Variants in TNRC6B observed in about 807,000 individuals in gnomAD.
TNRC6B encodes trinucleotide repeat containing adaptor 6B.
In TNRC6B, 52 loss-of-function variants were observed where a neutral mutation model predicts 203.6. That is an observed-to-expected ratio of 0.26 (90% CI 0.20 to 0.32). The LOEUF is 0.32. Among genes scored for constraint, TNRC6B ranks in the 10% least tolerant of loss-of-function variants. The pLI is 1.00. For missense variants in TNRC6B, 1,923 were observed against 2,286.2 expected (o/e 0.84, Z 3.24); for synonymous variants, 838 against 845.7 (o/e 0.99, Z 0.16).
intron 3 of TNRC6B, among the ~76,000 whole-genome samples, chr22:40,128,557 C>CGGCTCAT (rs2068514204): frequency 6.6e-6 from 1 of 151,236 alleles, no homozygotes; most frequent in African/African-American, 2.4e-5. Flanking sequence ...TCACGGCTCA[C>CGGCTCAT]GGCTCACGGC....
At chr22:40,233,707 TG>T (rs2069910512) in intron 1 of TNRC6B, among the ~76,000 whole-genome samples, 3 of 152,180 alleles carry the variant, frequency 2.0e-5, no homozygotes, top group Admixed American at 2.0e-4. Flanking sequence ...ATACGTAAAC[TG>T]GGAAATTCAT....
chr22:40,143,424 C>T (rs1044883763), intron 3 of TNRC6B, among the ~76,000 whole-genome samples: 1 of 151,982 alleles, frequency 6.6e-6, no homozygotes, highest in Non-Finnish European at 1.5e-5. Context: ...CAGAACAAGA[C>T]CTTGACTCTA....
At chr22:40,080,175 G>A (rs1014092622) in intron 1 of TNRC6B, among the ~76,000 whole-genome samples, 2 of 135,708 alleles carry the variant, frequency 1.5e-5, no homozygotes, top group Non-Finnish European at 3.1e-5. Flanking sequence ...ACTCTTGGCC[G>A]TAAGTGATCC....
At position 40,270,171 on chromosome 22, in the gene TNRC6B, G is replaced by T; in HGVS notation, c.2856G>T (p.Trp952Cys). 2 of 1,582,908 alleles carry T rather than the reference G, an allele frequency of 1.3e-6. No individual in the cohort carries two copies. Among genetic ancestry groups the T allele is most frequent in the Non-Finnish European group, 1.7e-6 (2 of 1,163,756 alleles). The change falls in exon 6 of 23, where the codon TGG becomes TGT. Residue 952 changes from tryptophan (W) to cysteine (C), a missense_variant. Around this residue, in one of 8 missense-constraint regions of TNRC6B, gnomAD observed 599 missense variants for 656.5 expected, o/e 0.91. Coordinates refer to ENST00000454349, the MANE Select transcript of TNRC6B (RefSeq NM_001162501.2). ...CTCCAGATAATGGTACTTCCGCTTG[G>T]GGTGAGCCAAATGAAAGCAGTCCTG... ...PPAPDNGTSA[W>C]GEPNESSPGW...
intron 1 of TNRC6B, among the ~76,000 whole-genome samples, chr22:40,228,034 C>T (rs569145370): frequency 3.9e-5 from 6 of 152,302 alleles, no homozygotes; most frequent in African/African-American, 1.4e-4. Flanking sequence ...TTAGTTTCTT[C>T]GCTGTCAAGT....
chr22:40,176,465 A>C (rs1489917891), upstream of TNRC6B, among the ~76,000 whole-genome samples: 5 of 152,026 alleles, frequency 3.3e-5, no homozygotes. Flanking sequence ...TTCTTTCCTG[A>C]AGCCGTCCTT....
Position 40,335,090 on chromosome 22 carries a change from G to C in TNRC6B, c.*11849G>C, listed in dbSNP as rs2044018797. ...TTTGGTGGCTTTCTTTTCTCTCTTT[G>C]ATGGGCAATAGAGGAAGTAGATAAT... On this transcript the variant is annotated 3_prime_UTR_variant, in exon 23 of 23. Transcript: ENST00000454349. 6.8e-6 allele frequency: 1 copy of C among 146,466 alleles called. No homozygotes were observed. Among genetic ancestry groups the C allele is most frequent in the Non-Finnish European group, 1.5e-5 (1 of 66,848 alleles). The allele number at this position is 146,466 out of a possible 1,614,324, so 9.1% of individuals were successfully genotyped here. A position where few individuals can be genotyped will look rare whatever the true frequency, so the allele number is the denominator to read the frequency against.
At chr22:40,083,438 G>A (rs2068076790) in intron 1 of TNRC6B, among the ~76,000 whole-genome samples, 1 of 152,230 alleles carries the variant, frequency 6.6e-6, no homozygotes, top group Non-Finnish European at 1.5e-5. Context: ...TTTTAACAGA[G>A]CTTGCGTAGG....
At chr22:40,298,710 TA>T (rs982627778) in intron 12 of TNRC6B, among the ~76,000 whole-genome samples, 18 of 151,122 alleles carry the variant, frequency 1.2e-4, no homozygotes, top group African/African-American at 4.4e-4. Context: ...CTCACGCCTG[TA>T]ATCTCAGCAC....
At chr22:40,073,289 T>G (rs2067971068) in intron 1 of TNRC6B, among the ~76,000 whole-genome samples, 1 of 152,040 alleles carries the variant, frequency 6.6e-6, no homozygotes, top group Non-Finnish European at 1.5e-5. Flanking sequence ...ATAGAACACG[T>G]TTTTTGTTAA....
rs2071382774 is a variant in TNRC6B at position 40,324,816 on chromosome 22, TC to T, written c.*1581del. ...CACCTTTTTTTGATTTTTGACCTCTTCCCCCCACCTTGTAATTTTGCTTTTT... is the reference window on the plus strand; with the variant it reads ...CACCTTTTTTTGATTTTTGACCTCTTCCCCCACCTTGTAATTTTGCTTTTT... On this transcript the variant is annotated 3_prime_UTR_variant, in exon 23 of 23. Transcript: ENST00000454349. 2 of 152,528 alleles carry T rather than the reference TC, an allele frequency of 1.3e-5. No individual in the cohort carries two copies. The highest frequency in any genetic ancestry group is 6.6e-5 in the Admixed American group (1 of 15,260). The allele number at this position is 152,528 out of a possible 1,614,324, so 9.4% of individuals were successfully genotyped here.
At position 40,323,495 on chromosome 22, in the gene TNRC6B, G is replaced by T; in HGVS notation, c.*254G>T. 1 of 363,384 alleles carries T rather than the reference G, an allele frequency of 2.8e-6. No individual in the cohort carries two copies. The highest frequency in any genetic ancestry group is 4.9e-6 in the Non-Finnish European group (1 of 202,028). The allele number at this position is 363,384 out of a possible 1,614,324, so 22.5% of individuals were successfully genotyped here. ...CTCTTGAAATACTTGAATCATGAAC[G>T]CCAACCTAGAAAGACAATGTGAAGC... On this transcript the variant is annotated 3_prime_UTR_variant, in exon 23 of 23. Transcript: ENST00000454349.
At position 40,251,179 on chromosome 22, in the gene TNRC6B, G is replaced by T. The variant is rs567477747; in HGVS notation, c.94G>T (p.Val32Phe). ...DKKKKEATQK[V>F]TEQKTKVPEV... ...TTACTTTTATCTGTTTATTTTGCAG[G>T]TCACGGAACAAAAAACCAAAGGTAA... Residue 32 changes from valine (V) to phenylalanine (F), a missense_variant and splice_region_variant, in exon 3 of 23, where the codon GTC becomes TTC. This residue lies in a region of TNRC6B where 111 missense variants were observed against 155.3 expected (regional missense o/e 0.71). Transcript: ENST00000454349. 2.0e-6 allele frequency: 3 copies of T among 1,533,834 alleles called. No homozygotes were observed. The African/African-American group carries it at 4.2e-5, about 21-fold the overall frequency.
chr22:40,199,883 G>A (rs113201635), intron 1 of TNRC6B, among the ~76,000 whole-genome samples: 220 of 152,056 alleles, frequency 1.4e-3, no homozygotes, highest in African/African-American at 5.0e-3. Flanking sequence ...TGCAACCTCC[G>A]CCTTCTGGGT....
chr22:40,320,055 A>C (rs1046011498), intron 21 of TNRC6B, among the ~76,000 whole-genome samples: 6 of 152,242 alleles, frequency 3.9e-5, no homozygotes, highest in African/African-American at 1.2e-4. Context: ...ACTACAGAGA[A>C]ACTGCCTGTT....
intron 3 of TNRC6B, among the ~76,000 whole-genome samples, chr22:40,136,978 CAG>C (rs1269882951): frequency 6.6e-6 from 1 of 152,112 alleles, no homozygotes; most frequent in African/African-American, 2.4e-5. Context: ...ATAAAATACA[CAG>C]TAGTATTTGA....
intron 17 of TNRC6B, 112 bp downstream of exon 17, chr22:40,311,105 T>A: frequency 8.2e-7 from 1 of 1,226,190 alleles, no homozygotes; most frequent in Non-Finnish European, 1.1e-6. Flanking sequence ...TTGCTTTTAT[T>A]TTTTTCATTC....
chr22:40,212,272 C>T (rs1237421327), intron 1 of TNRC6B, among the ~76,000 whole-genome samples: 1 of 152,232 alleles, frequency 6.6e-6, no homozygotes, highest in Non-Finnish European at 1.5e-5. Context: ...CCACCTACCA[C>T]ATCTGTGACC....
rs991037446 is a variant in TNRC6B at position 40,329,666 on chromosome 22, C to T, written c.*6425C>T. 1 of 152,186 alleles carries T rather than the reference C, an allele frequency of 6.6e-6. No individual in the cohort carries two copies. The allele number at this position is 152,186 out of a possible 1,614,324, so 9.4% of individuals were successfully genotyped here. ...AGGGAGTGGAGAGCTACTCCTCCAG[C>T]AGCTCAGCACCCACACTGCCCGCAT... On this transcript the variant is annotated 3_prime_UTR_variant, in exon 23 of 23. Transcript: ENST00000454349.
Sources: gnomAD v4.1 joint callset for allele counts (sites outside exome capture counted in the v4.1 genomes callset) on GRCh38, gnomAD v4.1.1 for gene constraint, gnomAD v4.1.1 regional missense constraint, MANE v1.5 for transcripts, NCBI Gene and HGNC (gene_info 2026-07-23, HGNC 2026-07-21) for gene names.